Variants in DBT observed in about 807,000 individuals in gnomAD.
DBT encodes the protein lipoamide acyltransferase component of branched-chain alpha-keto acid dehydrogenase complex, mitochondrial.
Under a neutral mutation model 51.3 loss-of-function variants are expected in DBT, and 40 were observed. The observed-to-expected ratio is 0.78, with a 90% confidence interval of 0.61 to 1.02. The LOEUF (loss-of-function observed/expected upper bound fraction) is 1.02. Among genes scored for constraint, DBT ranks in the 50% least tolerant of loss-of-function variants. The probability of loss-of-function intolerance (pLI) is 0.00; values close to 1 mark genes in which losing one functional copy is unlikely to be tolerated. For synonymous variants in DBT, 181 were observed against 190.4 expected (o/e 0.95, Z 0.41); for missense variants, 510 against 580.2 (o/e 0.88, Z 1.24).
At chr1:100,198,769 G>A (rs1661256060) in intron 10 of DBT, among the ~76,000 whole-genome samples, 2 of 152,122 alleles carry the variant, frequency 1.3e-5, no homozygotes, top group South Asian at 4.1e-4. Flanking sequence ...AAGGGAAAGT[G>A]GATGCCAGGA....
chr1:100,207,350 T>G (rs1398673860), intron 8 of DBT, among the ~76,000 whole-genome samples: 1 of 152,188 alleles, frequency 6.6e-6, no homozygotes, highest in Non-Finnish European at 1.5e-5. Context: ...TATTTTCAAT[T>G]TATTGGATGG....
chr1:100,248,835 G>C (rs1268744916), intron 1 of DBT, among the ~76,000 whole-genome samples: 1 of 152,156 alleles, frequency 6.6e-6, no homozygotes, highest in African/African-American at 2.4e-5. Flanking sequence ...TGACCCCCAA[G>C]TCCACCATAG....
At position 100,216,156 on chromosome 1, in the gene DBT, A is replaced by G. The variant is rs200818416; in HGVS notation, c.599T>C (p.Ile200Thr). 60 of 1,613,904 alleles carry G rather than the reference A, an allele frequency of 3.7e-5. No individual in the cohort carries two copies. The highest frequency in any genetic ancestry group is 4.8e-5 in the Non-Finnish European group (57 of 1,179,948). Residue 200 changes from isoleucine to threonine, a missense_variant, in exon 6 of 11, where the codon ATA becomes ACA. By Grantham distance (89) the Ile-to-Thr change is moderately conservative. Transcript: ENST00000370132. ...EVVGSGKDGR[I>T]LKEDILNYLE... is the part of the protein sequence containing the mutation. ...ATAGTTGAGGATATCTTCTTTAAGT[A>G]TTCTGCCATCTTTTCCTGAGCCAAC...
intron 1 of DBT, among the ~76,000 whole-genome samples, chr1:100,245,756 C>T (rs1664493523): frequency 6.6e-6 from 1 of 150,882 alleles, no homozygotes; most frequent in Non-Finnish European, 1.5e-5. Flanking sequence ...AGTTCAAGAC[C>T]ATACTGGGCA....
Position 100,191,350 on chromosome 1 carries a change from G to A in DBT, c.*4905C>T, listed in dbSNP as rs960093950. ...TTTGTTGGAGAAATTATAAAATCTT[G>A]GAATTGTAACAAACAGCTTCACAGT... On this transcript the variant is annotated 3_prime_UTR_variant, in exon 11 of 11. Transcript: ENST00000370132. 6.6e-6 allele frequency: 1 copy of A among 152,034 alleles called. No homozygotes were observed. The highest frequency in any genetic ancestry group is 1.5e-5 in the Non-Finnish European group (1 of 68,010). 9.4% of individuals were successfully genotyped at this position (152,034 alleles called of 1,614,324 possible).
chr1:100,203,125 C>CA (rs1207727250), intron 10 of DBT, among the ~76,000 whole-genome samples: 1 of 151,760 alleles, frequency 6.6e-6, no homozygotes, highest in Non-Finnish European at 1.5e-5. Flanking sequence ...GACAGAGACA[C>CA]AAAAAAACCC....
chr1:100,196,156 C>T lies in DBT; in HGVS notation c.*99G>A. 1.9e-6 allele frequency: 2 copies of T among 1,046,372 alleles called. No homozygotes were observed. The highest frequency in any genetic ancestry group is 1.6e-5 in the African/African-American group (1 of 63,136). The allele number at this position is 1,046,372 out of a possible 1,614,324, so 64.8% of individuals were successfully genotyped here. On this transcript the variant is annotated 3_prime_UTR_variant, in exon 11 of 11. Transcript: ENST00000370132. The stretch of plus-strand genomic sequence containing the variant: ...AGATCCTTAATCATACGATACAAAT[C>T]ATTTACAATATAAATTGTAAAGATG...
chr1:100,202,573 G>C (rs1366976606), intron 10 of DBT, among the ~76,000 whole-genome samples: 1 of 152,194 alleles, frequency 6.6e-6, no homozygotes, highest in East Asian at 1.9e-4. Context: ...TCTGGACCAA[G>C]CGGACCTAAT....
chr1:100,236,929 A>G (rs566277814), intron 2 of DBT, among the ~76,000 whole-genome samples: 55 of 152,350 alleles, frequency 3.6e-4, no homozygotes, highest in African/African-American at 1.3e-3. Flanking sequence ...TTTGTGTACC[A>G]TGCTAAAATA....
At chr1:100,201,422 G>A (rs559011638) in intron 10 of DBT, among the ~76,000 whole-genome samples, 12 of 152,220 alleles carry the variant, frequency 7.9e-5, no homozygotes, top group African/African-American at 2.6e-4. Context: ...CCAAAACTAC[G>A]TTTGATTGGT....
At chr1:100,210,486 TA>T in intron 8 of DBT, 1 of 649,196 alleles carries the variant, frequency 1.5e-6, no homozygotes, top group Non-Finnish European at 2.4e-6. Flanking sequence ...AAAAAAAGCT[TA>T]AAAATAGTTT....
At chr1:100,236,165 A>G (rs1402474263) in intron 2 of DBT, among the ~76,000 whole-genome samples, 2 of 151,856 alleles carry the variant, frequency 1.3e-5, no homozygotes, top group East Asian at 3.9e-4. Context: ...CAGGTGCATA[A>G]ATGCATACTA....
In DBT at chr1:100,190,066, TAGAC is replaced by T. The variant is rs991530759; in HGVS notation, c.*6185_*6188del. On this transcript the variant is annotated 3_prime_UTR_variant, in exon 11 of 11. Transcript: ENST00000370132. Reference sequence around the variant, plus strand: ...TACATGTGGCTAGAGGCTACTGCATTAGACAGCTCAGAGTTCGAGTTTTACTAAC... The same window carrying T: ...TACATGTGGCTAGAGGCTACTGCATTAGCTCAGAGTTCGAGTTTTACTAAC... 2 of 152,266 alleles carry T rather than the reference TAGAC, an allele frequency of 1.3e-5. No individual in the cohort carries two copies. Among genetic ancestry groups the T allele is most frequent in the Non-Finnish European group, 2.9e-5 (2 of 68,046 alleles). 9.4% of individuals were successfully genotyped at this position (152,266 alleles called of 1,614,324 possible).
intron 1 of DBT, among the ~76,000 whole-genome samples, chr1:100,248,015 T>A (rs936605283): frequency 3.3e-5 from 5 of 150,002 alleles, no homozygotes; most frequent in Non-Finnish European, 4.4e-5. Context: ...GGCAAAAGAA[T>A]CGCTTGAAAC....
intron 8 of DBT, among the ~76,000 whole-genome samples, chr1:100,207,054 G>A (rs1455657959): frequency 6.6e-6 from 1 of 152,158 alleles, no homozygotes; most frequent in Non-Finnish European, 1.5e-5. Context: ...ACTCCAGCCT[G>A]GGAGACAGAG....
At chr1:100,210,655 CTA>C in intron 8 of DBT, 37 bp downstream of exon 8, 1 of 1,612,042 alleles carries the variant, frequency 6.2e-7, no homozygotes, top group South Asian at 1.1e-5. Flanking sequence ...GCCCCATCTT[CTA>C]TTAATAATAA....
At chr1:100,214,665 A>C in intron 7 of DBT, 152 bp downstream of exon 7, 2 of 750,446 alleles carry the variant, frequency 2.7e-6, no homozygotes, top group East Asian at 5.5e-5. Flanking sequence ...AAGGCAAGAG[A>C]ATTGTTTAAA....
intron 10 of DBT, among the ~76,000 whole-genome samples, chr1:100,203,607 A>G (rs1661579669): frequency 6.6e-6 from 1 of 152,250 alleles, no homozygotes; most frequent in South Asian, 2.1e-4. Context: ...TTATGAGGCC[A>G]GCATCATCCT....
intron 1 of DBT, among the ~76,000 whole-genome samples, chr1:100,246,132 C>T (rs930186428): frequency 1.3e-5 from 2 of 151,984 alleles, no homozygotes; most frequent in African/African-American, 4.8e-5. Context: ...CATGGTGGCG[C>T]GTGCCTGCCC....
Sources: allele counts gnomAD v4.1 joint callset (sites outside exome capture counted in the v4.1 genomes callset), GRCh38; gene constraint gnomAD v4.1.1; transcripts MANE v1.5; gene names NCBI Gene and HGNC (gene_info 2026-07-23, HGNC 2026-07-21).